The following CNOT6 variants were observed in gnomAD, a reference collection of about 807,000 sequenced individuals.
The protein encoded by CNOT6 is CCR4-NOT transcription complex subunit 6.
Under a neutral mutation model 61.2 loss-of-function variants are expected in CNOT6, and 12 were observed. The ratio of observed to expected loss-of-function variants is 0.20; its 90% CI spans 0.13 to 0.32. The LOEUF is 0.32. Among genes scored for constraint, CNOT6 ranks in the 10% least tolerant of loss-of-function variants. The probability of loss-of-function intolerance (pLI) is 1.00; values close to 1 mark genes in which losing one functional copy is unlikely to be tolerated. For synonymous variants in CNOT6, 225 were observed against 240.6 expected (o/e 0.94, Z 0.60); for missense variants, 405 against 663.9 (o/e 0.61, Z 4.28).
chr5:180,500,327 G>T (rs1354132525), intron 1 of CNOT6, among the ~76,000 whole-genome samples: 1 of 151,912 alleles, frequency 6.6e-6, no homozygotes, highest in Non-Finnish European at 1.5e-5. Context: ...GCCCGGTTTG[G>T]TCTCACACTC....
At chr5:180,561,113 G>T (rs1000719298) in intron 4 of CNOT6, among the ~76,000 whole-genome samples, 2 of 152,160 alleles carry the variant, frequency 1.3e-5, no homozygotes, top group Non-Finnish European at 1.5e-5. Context: ...ACCATGCCTG[G>T]CTAGTTTTGT....
chr5:180,505,815 T>C (rs1438661201), intron 1 of CNOT6, among the ~76,000 whole-genome samples: 1 of 152,214 alleles, frequency 6.6e-6, no homozygotes, highest in Non-Finnish European at 1.5e-5. Context: ...CCCAAAGTGC[T>C]GGGATTACAG....
chr5:180,519,776 T>A (rs1308340533), intron 1 of CNOT6, among the ~76,000 whole-genome samples: 1 of 151,988 alleles, frequency 6.6e-6, no homozygotes, highest in Non-Finnish European at 1.5e-5. Flanking sequence ...CTTTTTTTTT[T>A]TTATTGTTCA....
chr5:180,509,946 A>G (rs1315107697), intron 1 of CNOT6, among the ~76,000 whole-genome samples: 1 of 150,608 alleles, frequency 6.6e-6, no homozygotes, highest in Non-Finnish European at 1.5e-5. Flanking sequence ...CCATAGTATC[A>G]TCAGCAATTT....
At chr5:180,566,960 G>A in intron 7 of CNOT6, 128 bp from the exon 8 acceptor site, 1 of 911,576 alleles carries the variant, frequency 1.1e-6, no homozygotes, top group Non-Finnish European at 1.6e-6. Context: ...GGCCCGGAAA[G>A]ATGTTACATT....
intron 2 of CNOT6, among the ~76,000 whole-genome samples, chr5:180,544,506 G>T (rs1342757324): frequency 1.3e-5 from 2 of 152,010 alleles, no homozygotes; most frequent in Non-Finnish European, 2.9e-5. Flanking sequence ...TTGTCTTCCT[G>T]CCTCTACCTC....
rs538099267 is a variant in CNOT6 at position 180,508,501 on chromosome 5, G to A, written c.-3+13738G>A. On this transcript the variant is annotated intron_variant, in intron 1 of 11. Coordinates refer to ENST00000261951, the MANE Select transcript of CNOT6 (RefSeq NM_001370472.1). ...TAATTTTTGTATTTTTATTAGAGAC[G>A]GGGTTTCACCGTGTTGGCCAGGATG... Among the ~76,000 whole-genome samples, 357 of 152,040 alleles carry A rather than the reference G, an allele frequency of 2.3e-3. 2 individuals carry two copies. Among genetic ancestry groups the A allele is most frequent in the African/African-American group, 8.3e-3 (346 of 41,482 alleles).
At chr5:180,533,344 C>A (rs1214610905) in intron 2 of CNOT6, among the ~76,000 whole-genome samples, 4 of 105,952 alleles carry the variant, frequency 3.8e-5, no homozygotes, top group Admixed American at 8.8e-5. Context: ...ATATATATAT[C>A]ACCGTAATAC....
chr5:180,520,895 AGTGC>A, intron 1 of CNOT6, among the ~76,000 whole-genome samples: 1 of 149,318 alleles, frequency 6.7e-6, no homozygotes, highest in East Asian at 2.0e-4. Flanking sequence ...CCCAGGCTGG[AGTGC>A]AGTGGCGCAA....
At chr5:180,573,564 T>A (rs1236319717) in intron 11 of CNOT6, among the ~76,000 whole-genome samples, 1 of 28,346 alleles carries the variant, frequency 3.5e-5, no homozygotes, top group Admixed American at 4.6e-4. Context: ...TGTGTGTGTG[T>A]GTGTGTGTGT....
At chr5:180,527,840 C>T (rs141236550) in intron 1 of CNOT6, among the ~76,000 whole-genome samples, 321 of 152,242 alleles carry the variant, frequency 2.1e-3, no homozygotes, top group African/African-American at 7.5e-3. Context: ...AGCATTACTG[C>T]CCAAGGTCCA....
chr5:180,496,695 C>T (rs1756628466), intron 1 of CNOT6, among the ~76,000 whole-genome samples: 1 of 152,198 alleles, frequency 6.6e-6, no homozygotes, highest in South Asian at 2.1e-4. Flanking sequence ...TCTGTGATAA[C>T]TGTCACAACG....
intron 4 of CNOT6, among the ~76,000 whole-genome samples, chr5:180,560,740 T>G (rs1473213244): frequency 2.0e-5 from 3 of 152,164 alleles, no homozygotes; most frequent in Non-Finnish European, 2.9e-5. Flanking sequence ...TCACTGTGCT[T>G]CTTGAATCTG....
At chr5:180,548,426 G>T (rs1034467452) in intron 2 of CNOT6, among the ~76,000 whole-genome samples, 1 of 152,112 alleles carries the variant, frequency 6.6e-6, no homozygotes, top group South Asian at 2.1e-4. Flanking sequence ...GGAGTGGGGG[G>T]CCCCATCAGA....
intron 1 of CNOT6, among the ~76,000 whole-genome samples, chr5:180,497,024 T>C (rs1366025928): frequency 6.6e-6 from 1 of 152,160 alleles, no homozygotes; most frequent in African/African-American, 2.4e-5. Flanking sequence ...ACTGTACATG[T>C]AGTTTAAAAG....
chr5:180,542,528 G>A (rs978974701), intron 2 of CNOT6, among the ~76,000 whole-genome samples: 7 of 152,320 alleles, frequency 4.6e-5, no homozygotes, highest in African/African-American at 1.4e-4. Flanking sequence ...GCCTACCACA[G>A]TGCTGGGATT....
chr5:180,553,478 C>A lies in CNOT6; in HGVS notation c.385+7C>A, dbSNP rs894559784. ...CAGACTTTAGGCCTGAAAGGTATGA[C>A]TTCCATATTTGTACTTCTTATGGTT... On this transcript the variant is annotated splice_region_variant and intron_variant, in intron 4 of 11. Coordinates refer to ENST00000261951, the MANE Select transcript of CNOT6 (RefSeq NM_001370472.1). The A allele has an allele frequency of 1.9e-6, 3 of 1,604,116 alleles. No homozygotes were observed. Among genetic ancestry groups the A allele is most frequent in the Non-Finnish European group, 2.6e-6 (3 of 1,171,378 alleles).
intron 3 of CNOT6, 27 bp downstream of exon 3, chr5:180,550,144 T>G (rs1264600053): frequency 4.4e-6 from 7 of 1,586,384 alleles, no homozygotes; most frequent in Non-Finnish European, 4.3e-6. Context: ...TAATACATAC[T>G]AGCTATATGA....
At chr5:180,516,497 T>C (rs1291659538) in intron 1 of CNOT6, among the ~76,000 whole-genome samples, 1 of 152,176 alleles carries the variant, frequency 6.6e-6, no homozygotes, top group Non-Finnish European at 1.5e-5. Context: ...GCTGGGAAAA[T>C]TCAGGATATT....
Sources: gnomAD v4.1 joint callset for allele counts (sites outside exome capture counted in the v4.1 genomes callset) on GRCh38, gnomAD v4.1.1 for gene constraint, MANE v1.5 for transcripts, NCBI Gene and HGNC (gene_info 2026-07-23, HGNC 2026-07-21) for gene names.